KIAA0319L: variants seen among roughly 807,000 people sequenced by gnomAD.
The protein encoded by KIAA0319L is KIAA0319 like.
KIAA0319L carries 55 observed loss-of-function variants against 120.1 expected under a neutral mutation model. The observed-to-expected ratio is 0.46, with a 90% CI of 0.37 to 0.57. The LOEUF (loss-of-function observed/expected upper bound fraction) is 0.57, where lower values mean the gene tolerates loss of function less well. Among genes scored for constraint, KIAA0319L ranks in the 20% least tolerant of loss-of-function variants. The pLI is 0.00. For synonymous variants in KIAA0319L, 398 were observed against 471.9 expected, an observed-to-expected ratio of 0.84 and a Z score of 2.03; for missense variants, 1,049 against 1,255.3, an observed-to-expected ratio of 0.84 and a Z score of 2.48.
chr1:35,543,524 T>C (rs576847416), intron 2 of KIAA0319L, among the ~76,000 whole-genome samples: 1 of 152,290 alleles, frequency 6.6e-6, no homozygotes, highest in South Asian at 2.1e-4. Flanking sequence ...GCTTTTCCCC[T>C]GAAGATTAAG....
intron 2 of KIAA0319L, among the ~76,000 whole-genome samples, chr1:35,546,112 G>A (rs1384282880): frequency 6.6e-6 from 1 of 152,162 alleles, no homozygotes; most frequent in Non-Finnish European, 1.5e-5. Context: ...TATAAATTTG[G>A]AAGTAGTGAG....
At chr1:35,467,701 T>C (rs994562348) in intron 6 of KIAA0319L, among the ~76,000 whole-genome samples, 3 of 152,136 alleles carry the variant, frequency 2.0e-5, no homozygotes, top group Non-Finnish European at 4.4e-5. Flanking sequence ...TCTTTTTTTT[T>C]TTTTTGAGAC....
intron 3 of KIAA0319L, among the ~76,000 whole-genome samples, chr1:35,484,273 T>C (rs574298774): frequency 2.8e-4 from 43 of 152,260 alleles, no homozygotes; most frequent in African/African-American, 1.0e-3. Context: ...CTTTGGGTGT[T>C]ACACATTTTT....
In KIAA0319L at chr1:35,449,886, G is replaced by T. The variant is rs773140607; in HGVS notation, c.2334C>A (p.Thr778=). The T allele has an allele frequency of 1.6e-5, 26 of 1,614,114 alleles. No individual in the cohort carries two copies. The highest frequency in any genetic ancestry group is 2.1e-5 in the Non-Finnish European group (25 of 1,180,020). ...DAKGESDTDR[T]TVEVKPDPRK... is the part of the protein sequence containing the mutation. ...ACTCACCAGGTTTCACCTCCACAGT[G>T]GTCCGGTCTGTGTCACTCTCACCCT... Residue 778 remains threonine, a synonymous_variant, in exon 15 of 21, where the codon ACC becomes ACA. Coordinates refer to ENST00000325722, the MANE Select transcript of KIAA0319L (RefSeq NM_024874.5).
chr1:35,452,664 T>C (rs7525968), intron 12 of KIAA0319L, among the ~76,000 whole-genome samples: 4,072 of 152,252 alleles, frequency 0.027, 223 homozygotes, highest in East Asian at 0.25. Context: ...CAATAAACAA[T>C]TATAATTAAA....
At chr1:35,484,993 CCCCTTCCCATATTTTTTTAACAGCTAT>C (rs1269976470) in intron 3 of KIAA0319L, among the ~76,000 whole-genome samples, 2 of 120,110 alleles carry the variant, frequency 1.7e-5, no homozygotes, top group African/African-American at 6.3e-5. Flanking sequence ...GTGTGATATT[CCCCTTCCCATATTTTTTTAACAGCTAT>C]TTTGAAGTCT....
rs370971124 is a variant in KIAA0319L at position 35,444,236 on chromosome 1, C to T, written c.2581G>A (p.Ala861Thr). 39 of 1,609,976 alleles carry T rather than the reference C, an allele frequency of 2.4e-5. No individual in the cohort carries two copies. In the African/African-American group the frequency reaches 4.5e-4, roughly 19 times the overall value. Residue 861 changes from alanine to threonine, a missense_variant, in exon 17 of 21, where the codon GCG becomes ACG. Coordinates refer to ENST00000325722, the MANE Select transcript of KIAA0319L (RefSeq NM_024874.5). ...HQIFKGHEVA[A>T]MLKSELRKQK... ...TTCCGCAGCTCACTCTTGAGCATCGCTGCCACCTCATGGCCTTTGAAGATC... is the reference window on the plus strand; with the variant it reads ...TTCCGCAGCTCACTCTTGAGCATCGTTGCCACCTCATGGCCTTTGAAGATC...
At chr1:35,514,231 T>C (rs554898767) in intron 2 of KIAA0319L, among the ~76,000 whole-genome samples, 16 of 151,866 alleles carry the variant, frequency 1.1e-4, no homozygotes, top group Non-Finnish European at 2.2e-4. Context: ...AAGCTAAATA[T>C]AAAAGTGCAC....
rs1644608176 is a variant in KIAA0319L, at chr1:35,491,905, T to C, written c.667-12693A>G. On this transcript the variant is annotated intron_variant, in intron 3 of 20. Transcript: ENST00000325722. ...AATAAATTTGACTAATGGCATGAAATGCATAAATTCCTTGAAAGACACAAT... is the reference window on the plus strand; with the variant it reads ...AATAAATTTGACTAATGGCATGAAACGCATAAATTCCTTGAAAGACACAAT... Among the ~76,000 whole-genome samples the C allele has an allele frequency of 2.0e-5, 3 of 152,142 alleles. No homozygotes were observed. The South Asian group carries it at 6.2e-4, about 32-fold the overall frequency.
At chr1:35,545,164 T>C (rs1321845280) in intron 2 of KIAA0319L, among the ~76,000 whole-genome samples, 1 of 152,140 alleles carries the variant, frequency 6.6e-6, no homozygotes, top group Non-Finnish European at 1.5e-5. Context: ...ATTAACTAGA[T>C]GGTAGATGCT....
intron 3 of KIAA0319L, among the ~76,000 whole-genome samples, chr1:35,504,879 T>A (rs1490877637): frequency 6.6e-6 from 1 of 152,170 alleles, no homozygotes; most frequent in Non-Finnish European, 1.5e-5. Flanking sequence ...CACCACCAGC[T>A]CTCTTTCTCC....
At chr1:35,545,873 C>A (rs569421190) in intron 2 of KIAA0319L, among the ~76,000 whole-genome samples, 6 of 151,776 alleles carry the variant, frequency 4.0e-5, no homozygotes, top group African/African-American at 1.4e-4. Context: ...CCAGCCTGGG[C>A]GACAGAGCAA....
intron 2 of KIAA0319L, among the ~76,000 whole-genome samples, chr1:35,507,367 G>C (rs1319680299): frequency 6.6e-6 from 1 of 152,158 alleles, no homozygotes; most frequent in Non-Finnish European, 1.5e-5. Flanking sequence ...CCTTCTCAAT[G>C]AGTTCCTGCC....
At position 35,454,471 on chromosome 1, in the gene KIAA0319L, T is replaced by C. The variant is rs1450267241; in HGVS notation, c.1671A>G (p.Pro557=). ...CTTGCATCGCAGAGAGCTGTAAGGT[T>C]GGTGTTCTAACACCCTACAAATACA... ...KVVEMQGVRT[P]TLQLSAMQEG... The change falls in exon 11 of 21, where the codon CCA becomes CCG. Residue 557 remains proline, a synonymous_variant. Transcript: ENST00000325722. The C allele has an allele frequency of 6.2e-7, 1 of 1,614,176 alleles. No homozygotes were observed. The highest frequency in any genetic ancestry group is 1.1e-5 in the South Asian group (1 of 91,074).
At chr1:35,462,514 C>G in intron 8 of KIAA0319L, 107 bp downstream of exon 8, 1 of 888,500 alleles carries the variant, frequency 1.1e-6, no homozygotes, top group Non-Finnish European at 1.8e-6. Context: ...AGATGACTGG[C>G]CTAAACAGAA....
At chr1:35,503,887 C>CTTTTTT (rs1175289801) in intron 3 of KIAA0319L, among the ~76,000 whole-genome samples, 1 of 138,656 alleles carries the variant, frequency 7.2e-6, no homozygotes, top group Non-Finnish European at 1.6e-5. Context: ...TTGTGATTTT[C>CTTTTTT]TTTTTTTTTT....
At chr1:35,502,421 GTCATCATCATCATCA>G (rs138233952) in intron 3 of KIAA0319L, among the ~76,000 whole-genome samples, 35 of 149,834 alleles carry the variant, frequency 2.3e-4, no homozygotes, top group African/African-American at 7.4e-4. Flanking sequence ...TATTGCTGCT[GTCATCATCATCATCA>G]TCATCATCAT....
intron 3 of KIAA0319L, among the ~76,000 whole-genome samples, chr1:35,500,815 T>C (rs903855423): frequency 2.6e-5 from 4 of 152,210 alleles, no homozygotes; most frequent in Non-Finnish European, 4.4e-5. Context: ...CAATTCTCAA[T>C]GCACAAGGCA....
intron 5 of KIAA0319L, among the ~76,000 whole-genome samples, chr1:35,472,787 T>C (rs1316337973): frequency 3.7e-5 from 5 of 134,656 alleles, no homozygotes; most frequent in South Asian, 2.3e-4. Context: ...TCTATTTCCC[T>C]TTTTTTTTTT....
Sources: allele counts gnomAD v4.1 joint callset (sites outside exome capture counted in the v4.1 genomes callset), GRCh38; gene constraint gnomAD v4.1.1; transcripts MANE v1.5; gene names NCBI Gene and HGNC (gene_info 2026-07-23, HGNC 2026-07-21).